The following MIPOL1 variants were observed in gnomAD, a reference collection of about 807,000 sequenced individuals.
The protein encoded by MIPOL1 is mirror-image polydactyly gene 1 protein.
A neutral mutation model predicts 60.9 loss-of-function variants in MIPOL1; 57 were observed. The observed-to-expected ratio is 0.94, with a 90% CI of 0.76 to 1.17. The LOEUF (loss-of-function observed/expected upper bound fraction) is 1.17. Among genes scored for constraint, MIPOL1 ranks in the 50% most tolerant of loss-of-function variants. The probability of loss-of-function intolerance (pLI) is 0.00; values close to 1 mark genes in which losing one functional copy is unlikely to be tolerated. For missense variants in MIPOL1, 551 were observed against 511.6 expected, an observed-to-expected ratio of 1.08 and a Z score of -0.74; for synonymous variants, 179 against 168.8, an observed-to-expected ratio of 1.06 and a Z score of -0.47.
Position 37,546,921 on chromosome 14 carries a change from G to A in MIPOL1, c.1279G>A (p.Asp427Asn), listed in dbSNP as rs779439405. Residue 427 changes from aspartate to asparagine, a missense_variant, in exon 13 of 13, where the codon GAT becomes AAT. Transcript: ENST00000684589. ...EKVQKLERLV[D>N]VLRKKVGTGT... ...CCAACTTAGGTTGGAAAGGCTGGTG[G>A]ATGTACTGAGGAAGAAGGTTGGAAC... 3.8e-6 allele frequency: 6 copies of A among 1,595,864 alleles called. No homozygotes were observed. Among genetic ancestry groups the A allele is most frequent in the Middle Eastern group, 1.7e-4 (1 of 5,940 alleles).
intron 1 of MIPOL1, among the ~76,000 whole-genome samples, chr14:37,218,564 G>T (rs1448514872): frequency 3.3e-5 from 5 of 152,056 alleles, no homozygotes; most frequent in African/African-American, 4.8e-5. Context: ...TGCATCATGT[G>T]CACTTGAAAA....
At chr14:37,337,087 T>C (rs1028341479) in intron 9 of MIPOL1, among the ~76,000 whole-genome samples, 7 of 151,808 alleles carry the variant, frequency 4.6e-5, no homozygotes, top group African/African-American at 1.2e-4. Flanking sequence ...GTCTTTTTTT[T>C]CCCCCTTGGT....
At chr14:37,310,352 C>T (rs2087211837) in intron 9 of MIPOL1, among the ~76,000 whole-genome samples, 1 of 152,076 alleles carries the variant, frequency 6.6e-6, no homozygotes, top group South Asian at 2.1e-4. Context: ...TGTCTATTCA[C>T]TCTCCCCTCT....
chr14:37,281,098 G>A (rs2084069660), intron 6 of MIPOL1, among the ~76,000 whole-genome samples: 2 of 152,064 alleles, frequency 1.3e-5, no homozygotes, highest in Non-Finnish European at 2.9e-5. Context: ...CCAATGTCAT[G>A]GAACTTTCCC....
intron 12 of MIPOL1, among the ~76,000 whole-genome samples, chr14:37,543,222 T>C (rs1410166406): frequency 6.6e-6 from 1 of 152,228 alleles, no homozygotes; most frequent in African/African-American, 2.4e-5. Flanking sequence ...TTGGTACAGC[T>C]CTAATTCAGG....
chr14:37,381,280 G>A (rs895231840), intron 10 of MIPOL1, among the ~76,000 whole-genome samples: 1 of 151,944 alleles, frequency 6.6e-6, no homozygotes, highest in Non-Finnish European at 1.5e-5. Flanking sequence ...CTTGACTCTT[G>A]TAAATGTAAA....
intron 5 of MIPOL1, among the ~76,000 whole-genome samples, chr14:37,269,304 CTTCTG>C (rs780076091): frequency 6.8e-4 from 103 of 152,022 alleles, no homozygotes; most frequent in Non-Finnish European, 1.3e-3. Context: ...TATGTTTTAT[CTTCTG>C]TTCTGACTCT....
chr14:37,353,280 T>C (rs1471098709), intron 9 of MIPOL1, among the ~76,000 whole-genome samples: 7 of 129,208 alleles, frequency 5.4e-5, no homozygotes, highest in Non-Finnish European at 8.2e-5. Flanking sequence ...TGAATAAGCT[T>C]TTTGATGTGC....
Position 37,241,757 on chromosome 14 carries a change from C to G in MIPOL1, c.-198-5346C>G, listed in dbSNP as rs113562271. ...TTATTTTCATTATAAATTTTTTAAA[C>G]TTTAGAACCCTGAATTTAGACTCCT... On this transcript the variant is annotated intron_variant, in intron 1 of 12. Coordinates refer to ENST00000684589, the MANE Select transcript of MIPOL1 (RefSeq NM_001388067.1). Among the ~76,000 whole-genome samples the G allele has an allele frequency of 2.6e-3, 397 of 152,126 alleles. 2 individuals carry two copies. Among genetic ancestry groups the G allele is most frequent in the African/African-American group, 9.0e-3 (375 of 41,508 alleles).
intron 10 of MIPOL1, among the ~76,000 whole-genome samples, chr14:37,413,937 A>G (rs1315270690): frequency 6.6e-6 from 1 of 152,206 alleles, no homozygotes; most frequent in Non-Finnish European, 1.5e-5. Context: ...TATTTCTGCA[A>G]CAAAATGTAA....
chr14:37,267,449 C>T (rs1285175694), intron 4 of MIPOL1, among the ~76,000 whole-genome samples: 1 of 151,722 alleles, frequency 6.6e-6, no homozygotes, highest in Non-Finnish European at 1.5e-5. Flanking sequence ...GATTGTGCCA[C>T]TGTACTCCAG....
intron 11 of MIPOL1, among the ~76,000 whole-genome samples, chr14:37,449,481 C>A (rs1379374477): frequency 6.6e-6 from 1 of 152,140 alleles, no homozygotes; most frequent in Non-Finnish European, 1.5e-5. Context: ...ATTCACCTGT[C>A]CTTCAGTGGA....
At chr14:37,439,686 C>T (rs982645490) in intron 11 of MIPOL1, among the ~76,000 whole-genome samples, 8 of 152,230 alleles carry the variant, frequency 5.3e-5, no homozygotes, top group East Asian at 1.9e-4. Flanking sequence ...TCCACAGTCT[C>T]GTGCACATAC....
chr14:37,521,857 T>C (rs1369606318), intron 12 of MIPOL1, among the ~76,000 whole-genome samples: 2 of 149,308 alleles, frequency 1.3e-5, no homozygotes, highest in Admixed American at 6.7e-5. Context: ...CATTCCAGCC[T>C]GGGTGACAGA....
chr14:37,326,024 G>A (rs2089123640), intron 9 of MIPOL1, among the ~76,000 whole-genome samples: 1 of 152,160 alleles, frequency 6.6e-6, no homozygotes, highest in Non-Finnish European at 1.5e-5. Flanking sequence ...CAAATATTTT[G>A]CTAGTGGATC....
intron 12 of MIPOL1, among the ~76,000 whole-genome samples, chr14:37,515,012 A>G (rs1464478059): frequency 6.6e-6 from 1 of 152,144 alleles, no homozygotes; most frequent in Admixed American, 6.5e-5. Flanking sequence ...ATTTATCCCT[A>G]CTGGGTCAGG....
At chr14:37,464,316 G>A (rs558309597) in intron 11 of MIPOL1, among the ~76,000 whole-genome samples, 8 of 152,198 alleles carry the variant, frequency 5.3e-5, no homozygotes, top group South Asian at 2.1e-4. Flanking sequence ...TAGTAGAGCC[G>A]TGGACTGAAC....
intron 9 of MIPOL1, among the ~76,000 whole-genome samples, chr14:37,311,711 A>C (rs2087345973): frequency 6.6e-6 from 1 of 152,172 alleles, no homozygotes; most frequent in African/African-American, 2.4e-5. Context: ...GACAGCTCCC[A>C]TATATTACCC....
chr14:37,409,804 T>G (rs2093651700), intron 10 of MIPOL1, among the ~76,000 whole-genome samples: 1 of 152,084 alleles, frequency 6.6e-6, no homozygotes, highest in African/African-American at 2.4e-5. Context: ...ATTATTATAA[T>G]TCATACATTA....
Sources: allele counts gnomAD v4.1 joint callset (sites outside exome capture counted in the v4.1 genomes callset), GRCh38; gene constraint gnomAD v4.1.1; transcripts MANE v1.5; gene names NCBI Gene and HGNC (gene_info 2026-07-23, HGNC 2026-07-21).